The following SMARCC1 variants were observed in gnomAD, a reference collection of about 807,000 sequenced individuals.
The protein encoded by SMARCC1 is SWI/SNF related BAF chromatin remodeling complex subunit C1.
Under a neutral mutation model 147.4 loss-of-function variants are expected in SMARCC1, and 43 were observed. The ratio of observed to expected loss-of-function variants is 0.29; its 90% confidence interval spans 0.23 to 0.38. The LOEUF (loss-of-function observed/expected upper bound fraction) is 0.38, where lower values mean the gene tolerates loss of function less well. Ranked by LOEUF, SMARCC1 falls within the 10% of genes least tolerant of loss-of-function variation. SMARCC1 has a pLI of 1.00. For synonymous variants in SMARCC1, 495 were observed against 484.4 expected (o/e 1.02, Z -0.29); for missense variants, 1,119 against 1,381.1 (o/e 0.81, Z 3.01).
chr3:47,680,737 CG>C (rs1405426318), intron 14 of SMARCC1, among the ~76,000 whole-genome samples: 1 of 151,340 alleles, frequency 6.6e-6, no homozygotes, highest in Non-Finnish European at 1.5e-5. Flanking sequence ...TTAGTAGAGA[CG>C]GGGTTTCACT....
At chr3:47,644,980 C>T (rs1477821887) in intron 21 of SMARCC1, among the ~76,000 whole-genome samples, 2 of 152,132 alleles carry the variant, frequency 1.3e-5, no homozygotes, top group African/African-American at 2.4e-5. Context: ...TGACTTTCTT[C>T]ACTCTCTCAC....
At chr3:47,704,831 C>T (rs1178148238) in intron 10 of SMARCC1, among the ~76,000 whole-genome samples, 1 of 151,796 alleles carries the variant, frequency 6.6e-6, no homozygotes, top group Non-Finnish European at 1.5e-5. Context: ...GTAGGAGAAT[C>T]GCCTGAGCCC....
At chr3:47,606,246 C>T (rs961329415) in intron 26 of SMARCC1, among the ~76,000 whole-genome samples, 2 of 152,168 alleles carry the variant, frequency 1.3e-5, no homozygotes, top group Non-Finnish European at 2.9e-5. Context: ...CTCTAGTTTG[C>T]GGAACTGCTT....
At chr3:47,716,317 C>T (rs1227857611) in intron 7 of SMARCC1, among the ~76,000 whole-genome samples, 2 of 146,588 alleles carry the variant, frequency 1.4e-5, no homozygotes, top group Non-Finnish European at 3.0e-5. Context: ...ACTTGGGAGG[C>T]TGAGGCAGGA....
intron 3 of SMARCC1, among the ~76,000 whole-genome samples, chr3:47,741,041 C>T (rs1358880798): frequency 3.3e-5 from 5 of 151,560 alleles, no homozygotes; most frequent in Non-Finnish European, 7.4e-5. Context: ...TTATTGTTGC[C>T]AAAAAAAGAT....
chr3:47,761,303 G>GA lies in SMARCC1; in HGVS notation c.315+11513dup, dbSNP rs533602815. Among the ~76,000 whole-genome samples the GA allele has an allele frequency of 2.4e-3, 345 of 143,092 alleles. 3 individuals are homozygous for GA. Among genetic ancestry groups the GA allele is most frequent in the South Asian group, 6.6e-4 (3 of 4,514 alleles). The allele number at this position is 143,092 out of a possible 152,430, so 93.9% of individuals were successfully genotyped here. On this transcript the variant is annotated intron_variant, in intron 2 of 27. Transcript: ENST00000254480. ...GGTGACAGAGCAAGGCAGTATCTCAGAAAAAAAAAAGACAGGCTGAATTAT... is the reference window on the plus strand; with the variant it reads ...GGTGACAGAGCAAGGCAGTATCTCAGAAAAAAAAAAAGACAGGCTGAATTAT...
chr3:47,675,842 G>A (rs2033564355), intron 17 of SMARCC1, among the ~76,000 whole-genome samples: 1 of 151,894 alleles, frequency 6.6e-6, no homozygotes, highest in Non-Finnish European at 1.5e-5. Context: ...CTACTCAGGA[G>A]GCTGAGGCAG....
chr3:47,737,226 T>C (rs139892016), intron 4 of SMARCC1, among the ~76,000 whole-genome samples: 45 of 152,162 alleles, frequency 3.0e-4, no homozygotes, highest in East Asian at 2.9e-3. Flanking sequence ...ACCCCATTTC[T>C]ACAAAAGATA....
At chr3:47,729,293 C>A (rs1323087333) in intron 5 of SMARCC1, among the ~76,000 whole-genome samples, 199 bp from the exon 6 acceptor site, 1 of 152,184 alleles carries the variant, frequency 6.6e-6, no homozygotes, top group African/African-American at 2.4e-5. Context: ...ACAGTTTAGA[C>A]TGCTGTATAG....
intron 1 of SMARCC1, among the ~76,000 whole-genome samples, chr3:47,776,735 A>C (rs1202049889): frequency 6.6e-6 from 1 of 152,086 alleles, no homozygotes; most frequent in Non-Finnish European, 1.5e-5. Context: ...ATACATATAT[A>C]TGTAAACATA....
At position 47,736,746 on chromosome 3, in the gene SMARCC1, T is replaced by G. The variant is rs975982865; in HGVS notation, c.484-620A>C. The stretch of plus-strand genomic sequence containing the variant: ...AAAAATAGCAATGGCAAAACATGTA[T>G]GTTAACTCCCCAAATCATGAAGAAA... On this transcript the variant is annotated intron_variant, in intron 4 of 27. Coordinates refer to ENST00000254480, the MANE Select transcript of SMARCC1 (RefSeq NM_003074.4). Among the ~76,000 whole-genome samples, 10 of 151,858 alleles carry G rather than the reference T, an allele frequency of 6.6e-5. No homozygotes were observed. In the East Asian group the frequency reaches 1.7e-3, roughly 26 times the overall value.
At chr3:47,636,784 A>G (rs2032974482) in intron 22 of SMARCC1, among the ~76,000 whole-genome samples, 1 of 67,642 alleles carries the variant, frequency 1.5e-5, no homozygotes, top group Non-Finnish European at 3.0e-5. Flanking sequence ...AACAAAATAT[A>G]TATATGTGTG....
intron 26 of SMARCC1, among the ~76,000 whole-genome samples, chr3:47,606,048 T>C (rs1285519123): frequency 6.6e-6 from 1 of 151,510 alleles, no homozygotes; most frequent in Non-Finnish European, 1.5e-5. Flanking sequence ...ATCCAAAATG[T>C]ACATTTTATT....
chr3:47,600,603 T>C (rs2032366693), intron 26 of SMARCC1, among the ~76,000 whole-genome samples: 1 of 152,230 alleles, frequency 6.6e-6, no homozygotes, highest in Non-Finnish European at 1.5e-5. Flanking sequence ...TCTCTGACCC[T>C]GAGGTCCATT....
At chr3:47,656,392 A>G (rs1347437084) in intron 21 of SMARCC1, among the ~76,000 whole-genome samples, 1 of 152,266 alleles carries the variant, frequency 6.6e-6, no homozygotes, top group Non-Finnish European at 1.5e-5. Context: ...AATACATTAC[A>G]GAAAGTATCT....
intron 25 of SMARCC1, among the ~76,000 whole-genome samples, chr3:47,619,359 T>G (rs1321278210): frequency 6.6e-6 from 1 of 152,204 alleles, no homozygotes; most frequent in Non-Finnish European, 1.5e-5. Flanking sequence ...AACAAAGACA[T>G]CTGATTAAGT....
chr3:47,652,949 CTTTTTTTT>C (rs55872948), intron 21 of SMARCC1, among the ~76,000 whole-genome samples: 1 of 129,676 alleles, frequency 7.7e-6, no homozygotes, highest in African/African-American at 2.9e-5. Context: ...GCTTTACTTT[CTTTTTTTT>C]TTTTTTTTTT....
chr3:47,760,997 G>A (rs1382022840), intron 2 of SMARCC1, among the ~76,000 whole-genome samples: 1 of 152,080 alleles, frequency 6.6e-6, no homozygotes, highest in African/African-American at 2.4e-5. Context: ...GCTGGGTGTA[G>A]TGGTGCACAC....
chr3:47,646,516 A>G (rs1225902276), intron 21 of SMARCC1, among the ~76,000 whole-genome samples: 1 of 152,270 alleles, frequency 6.6e-6, no homozygotes, highest in East Asian at 1.9e-4. Context: ...TAGTAATAAC[A>G]TGGTTAGCAA....
Sources: allele counts gnomAD v4.1 joint callset (sites outside exome capture counted in the v4.1 genomes callset), GRCh38; gene constraint gnomAD v4.1.1; transcripts MANE v1.5; gene names NCBI Gene and HGNC (gene_info 2026-07-23, HGNC 2026-07-21).